POU2F1: variants seen among roughly 807,000 people sequenced by gnomAD.
POU2F1 encodes the protein POU class 2 homeobox 1.
Under a neutral mutation model 84.9 loss-of-function variants are expected in POU2F1, and 16 were observed. The observed-to-expected ratio is 0.19, with a 90% CI of 0.13 to 0.29. The LOEUF (loss-of-function observed/expected upper bound fraction) is 0.29. Ranked by LOEUF, POU2F1 falls within the 10% of genes least tolerant of loss-of-function variation. POU2F1 has a pLI of 1.00. For synonymous variants in POU2F1, 368 were observed against 368.3 expected, an observed-to-expected ratio of 1.00 and a Z score of 0.01; for missense variants, 738 against 942.6, an observed-to-expected ratio of 0.78 and a Z score of 2.84.
intron 1 of POU2F1, among the ~76,000 whole-genome samples, chr1:167,293,943 A>G (rs1461271806): frequency 6.6e-6 from 1 of 152,182 alleles, no homozygotes; most frequent in Non-Finnish European, 1.5e-5. Context: ...CTCTCACCTT[A>G]TACAAAAGTC....
intron 13 of POU2F1, among the ~76,000 whole-genome samples, chr1:167,406,661 G>A (rs1425142125): frequency 1.3e-5 from 2 of 152,158 alleles, no homozygotes; most frequent in Non-Finnish European, 2.9e-5. Context: ...AATAAATTCA[G>A]TATTGTTGCA....
Position 167,416,151 on chromosome 1 carries a change from C to T in POU2F1, c.*341C>T, listed in dbSNP as rs1041418550. On this transcript the variant is annotated 3_prime_UTR_variant, in exon 16 of 16. Coordinates refer to ENST00000367866, the MANE Select transcript of POU2F1 (RefSeq NM_002697.4). ...CAAACAAAAATAAGTGAAAGGACTA[C>T]TTATCATTTCCAGCAGTCATGATGA... 4.9e-6 allele frequency: 2 copies of T among 406,166 alleles called. No individual in the cohort carries two copies. Among genetic ancestry groups the T allele is most frequent in the African/African-American group, 2.2e-5 (1 of 46,346 alleles). The allele number at this position is 406,166 out of a possible 1,614,324, so 25.2% of individuals were successfully genotyped here.
At chr1:167,247,327 A>G (rs996877308) in intron 1 of POU2F1, among the ~76,000 whole-genome samples, 3 of 151,980 alleles carry the variant, frequency 2.0e-5, no homozygotes, top group Non-Finnish European at 4.4e-5. Context: ...CGACCTCCCA[A>G]AGTTCTGTGG....
In POU2F1 at chr1:167,315,648, GTTT is replaced by G. The variant is rs555434512; in HGVS notation, c.62-16818_62-16816del. Among the ~76,000 whole-genome samples the G allele has an allele frequency of 3.3e-5, 5 of 151,518 alleles. No individual in the cohort carries two copies. The South Asian group carries it at 1.0e-3, about 32-fold the overall frequency. ...TTTTTGTTTGTTTGTTTGTTTGTTTGTTTTTTAATTAGCCAGGTGTGGTGACAT... is the reference window on the plus strand; with the variant it reads ...TTTTTGTTTGTTTGTTTGTTTGTTTGTTTAATTAGCCAGGTGTGGTGACAT... On this transcript the variant is annotated intron_variant, in intron 1 of 15. Coordinates refer to ENST00000367866, the MANE Select transcript of POU2F1 (RefSeq NM_002697.4).
chr1:167,345,170 A>T (rs1658108602), intron 2 of POU2F1, among the ~76,000 whole-genome samples: 5 of 152,304 alleles, frequency 3.3e-5, no homozygotes, highest in Middle Eastern at 3.4e-3. Context: ...AACTTAAAGT[A>T]AAATAAATAA....
chr1:167,315,512 A>C (rs962523031), intron 1 of POU2F1, among the ~76,000 whole-genome samples: 1 of 152,230 alleles, frequency 6.6e-6, no homozygotes, highest in Admixed American at 6.5e-5. Context: ...ATGGTGGCTC[A>C]TGCCTGTAAT....
rs1431795637 is a variant in POU2F1 at position 167,422,106 on chromosome 1, ACCCTG to A, written c.*6297_*6301del. On this transcript the variant is annotated 3_prime_UTR_variant, in exon 16 of 16. Transcript: ENST00000367866. ...TATGGGGTGTCCAGTAGGTTCAGGG[ACCCTG>A]AGGGTGCATTTACATCCCTTCCTAT... The A allele has an allele frequency of 7.2e-5, 11 of 152,112 alleles. No homozygotes were observed. The highest frequency in any genetic ancestry group is 2.7e-4 in the African/African-American group (11 of 41,398). The allele number at this position is 152,112 out of a possible 1,614,324, so 9.4% of individuals were successfully genotyped here. A position where few individuals can be genotyped will look rare whatever the true frequency, so the allele number is the denominator to read the frequency against.
Position 167,383,918 on chromosome 1 carries a change from A to C in POU2F1, c.780A>C (p.Leu260=), listed in dbSNP as rs751436562. 6.2e-7 allele frequency: 1 copy of C among 1,613,702 alleles called. No homozygotes were observed. Among genetic ancestry groups the C allele is most frequent in the East Asian group, 2.2e-5 (1 of 44,850 alleles). The change falls in exon 8 of 16, where the codon CTA becomes CTC. Residue 260 remains leucine (L), a synonymous_variant. Transcript: ENST00000367866. ...CTCAGCAAAGCCAAGCCAACCTCCTACAGTCGCAGCCAAGCATCACCCTCA... is the reference window on the plus strand; with the variant it reads ...CTCAGCAAAGCCAAGCCAACCTCCTCCAGTCGCAGCCAAGCATCACCCTCA... ...QLPQQSQANL[L]QSQPSITLTS... is the part of the protein sequence containing the mutation.
intron 2 of POU2F1, among the ~76,000 whole-genome samples, chr1:167,343,630 C>CA: frequency 9.0e-6 from 1 of 111,548 alleles, no homozygotes; most frequent in Non-Finnish European, 1.8e-5. Flanking sequence ...AGCCAGGGGT[C>CA]AATTTTTTTT....
rs990508088 is a variant in POU2F1 at position 167,417,532 on chromosome 1, G to A, written c.*1722G>A. ...TCAGTGTACTGTTGTTATGCCATCT[G>A]TACCAAAAAATTTTCCAAAAGACTG... is the stretch of plus-strand genomic sequence containing the variant. On this transcript the variant is annotated 3_prime_UTR_variant, in exon 16 of 16. Transcript: ENST00000367866. 3 of 152,164 alleles carry A rather than the reference G, an allele frequency of 2.0e-5. No individual in the cohort carries two copies. Among genetic ancestry groups the A allele is most frequent in the Non-Finnish European group, 4.4e-5 (3 of 68,032 alleles). 9.4% of individuals were successfully genotyped at this position (152,164 alleles called of 1,614,324 possible).
At chr1:167,363,987 G>A (rs961356045) in intron 2 of POU2F1, among the ~76,000 whole-genome samples, 1 of 152,228 alleles carries the variant, frequency 6.6e-6, no homozygotes, top group East Asian at 1.9e-4. Context: ...GTAAGTGTAA[G>A]GATGGGAAGA....
chr1:167,383,817 A>G, intron 7 of POU2F1, 40 bp from the exon 8 acceptor site: 1 of 1,536,262 alleles, frequency 6.5e-7, no homozygotes, highest in East Asian at 2.3e-5. Flanking sequence ...TGTTCGAAGA[A>G]ATCTTTAATG....
At chr1:167,346,802 T>C (rs1658233158) in intron 2 of POU2F1, among the ~76,000 whole-genome samples, 1 of 152,188 alleles carries the variant, frequency 6.6e-6, no homozygotes, top group Non-Finnish European at 1.5e-5. Context: ...GCTATAGATA[T>C]TCTGTGTCAT....
intron 12 of POU2F1, among the ~76,000 whole-genome samples, chr1:167,400,545 A>C (rs1261039239): frequency 6.6e-6 from 1 of 152,182 alleles, no homozygotes; most frequent in Non-Finnish European, 1.5e-5. Context: ...ACTTGTATTA[A>C]AACAATCATC....
At chr1:167,374,366 A>ATT (rs1660192682) in intron 6 of POU2F1, 70 bp downstream of exon 6, 1 of 1,433,546 alleles carries the variant, frequency 7.0e-7, no homozygotes, top group African/African-American at 1.4e-5. Flanking sequence ...TTAATGTTAG[A>ATT]TTAACTTTTT....
At chr1:167,355,118 G>GT (rs1658849909) in intron 2 of POU2F1, among the ~76,000 whole-genome samples, 1 of 147,222 alleles carries the variant, frequency 6.8e-6, no homozygotes, top group Non-Finnish European at 1.5e-5. Flanking sequence ...GAATGTTATA[G>GT]TTTTGCATTT....
At chr1:167,384,990 G>C (rs1647854309) in intron 8 of POU2F1, among the ~76,000 whole-genome samples, 1 of 152,134 alleles carries the variant, frequency 6.6e-6, no homozygotes, top group South Asian at 2.1e-4. Context: ...ACTGGAATAA[G>C]TGAGCTTAGC....
chr1:167,368,098 A>G (rs1355724247), intron 3 of POU2F1, among the ~76,000 whole-genome samples: 1 of 152,172 alleles, frequency 6.6e-6, no homozygotes, highest in Admixed American at 6.6e-5. Context: ...CCATATTTAT[A>G]TACTTCCTGC....
chr1:167,323,213 A>T (rs1571300427), intron 1 of POU2F1, among the ~76,000 whole-genome samples: 1 of 152,226 alleles, frequency 6.6e-6, no homozygotes, highest in East Asian at 1.9e-4. Context: ...TTATAGAAGT[A>T]AAGAAACAGT....
Sources: allele counts gnomAD v4.1 joint callset (sites outside exome capture counted in the v4.1 genomes callset), GRCh38; gene constraint gnomAD v4.1.1; transcripts MANE v1.5; gene names NCBI Gene and HGNC (gene_info 2026-07-23, HGNC 2026-07-21).